NBEA: variants seen among roughly 807,000 people sequenced by gnomAD.
NBEA encodes the protein neurobeachin, also known as lysosomal-trafficking regulator 2.
Under a neutral mutation model 343.4 loss-of-function variants are expected in NBEA, and 44 were observed. The ratio of observed to expected loss-of-function variants is 0.13; its 90% confidence interval spans 0.10 to 0.16. The LOEUF (loss-of-function observed/expected upper bound fraction) is 0.16, where lower values mean the gene tolerates loss of function less well. NBEA is among the 10% of genes least tolerant of loss of function. NBEA has a pLI of 1.00. For missense variants in NBEA, 2,555 were observed against 3,631.3 expected, an observed-to-expected ratio of 0.70 and a Z score of 7.62; for synonymous variants, 1,175 against 1,238.7, an observed-to-expected ratio of 0.95 and a Z score of 1.08.
intron 35 of NBEA, among the ~76,000 whole-genome samples, chr13:35,293,841 A>G (rs531481817): frequency 6.6e-6 from 1 of 152,164 alleles, no homozygotes; most frequent in Admixed American, 6.6e-5. Context: ...AAGTTTTTAT[A>G]AGTAAAGCTT....
intron 33 of NBEA, among the ~76,000 whole-genome samples, chr13:35,213,615 AT>A (rs910498557): frequency 1.3e-4 from 18 of 143,020 alleles, no homozygotes; most frequent in African/African-American, 4.0e-4. Flanking sequence ...AGGTGTTCTT[AT>A]TTTTTTTAGT....
intron 38 of NBEA, among the ~76,000 whole-genome samples, chr13:35,357,451 C>T (rs1006791502): frequency 1.3e-5 from 2 of 151,942 alleles, no homozygotes; most frequent in Non-Finnish European, 2.9e-5. Flanking sequence ...CCTCCTCCTA[C>T]CCTCCACCCT....
At chr13:35,416,829 T>C (rs543719743) in intron 38 of NBEA, among the ~76,000 whole-genome samples, 1 of 152,312 alleles carries the variant, frequency 6.6e-6, no homozygotes, top group Non-Finnish European at 1.5e-5. Flanking sequence ...CTCCTCTTTG[T>C]ACCTCTAGTA....
chr13:35,135,548 AAC>A (rs1489153614), intron 17 of NBEA, among the ~76,000 whole-genome samples: 1 of 151,656 alleles, frequency 6.6e-6, no homozygotes, highest in African/African-American at 2.4e-5. Context: ...TCAATTTGTA[AAC>A]ATGTCATTCT....
intron 1 of NBEA, among the ~76,000 whole-genome samples, chr13:35,018,722 C>T (rs2061735599): frequency 6.6e-6 from 1 of 151,942 alleles, no homozygotes; most frequent in Admixed American, 6.6e-5. Context: ...ATCTTTATGC[C>T]TTTAATTTAT....
intron 38 of NBEA, among the ~76,000 whole-genome samples, chr13:35,390,639 G>T (rs1255927218): frequency 6.6e-6 from 1 of 152,012 alleles, no homozygotes; most frequent in African/African-American, 2.4e-5. Context: ...CTAAAATAAG[G>T]CTATTTTAGA....
intron 1 of NBEA, among the ~76,000 whole-genome samples, chr13:35,037,993 G>A (rs1362000066): frequency 1.3e-5 from 2 of 152,178 alleles, no homozygotes; most frequent in Non-Finnish European, 2.9e-5. Context: ...TGGGACTAGA[G>A]TCTTAGAAAT....
intron 10 of NBEA, among the ~76,000 whole-genome samples, chr13:35,071,633 T>C (rs2063876001): frequency 1.3e-5 from 2 of 151,966 alleles, no homozygotes; most frequent in African/African-American, 2.4e-5. Context: ...AAAAGTAACA[T>C]AGTAGTGCTT....
chr13:34,984,566 T>C lies in NBEA; in HGVS notation c.294+41452T>C, dbSNP rs946221931. ...GCATATGAACTTTAAAGTAGTTTTT[T>C]CCAATTCTGTGAAGAAAGTCACTGA... On this transcript the variant is annotated intron_variant, in intron 1 of 58. Transcript: ENST00000379939. 3.6e-5 allele frequency among the ~76,000 whole-genome samples: 5 copies of C among 140,390 alleles called. No homozygotes were observed. In the East Asian group the frequency reaches 9.6e-4, roughly 27 times the overall value. The allele number at this position is 140,390 out of a possible 152,430, so 92.1% of individuals were successfully genotyped here. A position where few individuals can be genotyped will look rare whatever the true frequency, so the allele number is the denominator to read the frequency against.
At chr13:35,059,706 C>T (rs1209408834) in intron 8 of NBEA, among the ~76,000 whole-genome samples, 1 of 149,662 alleles carries the variant, frequency 6.7e-6, no homozygotes. Flanking sequence ...CCCTCTTTGG[C>T]CTTTGTATTT....
At chr13:35,263,612 AAAACAGGAGG>A (rs1450122139) in intron 34 of NBEA, among the ~76,000 whole-genome samples, 2 of 152,166 alleles carry the variant, frequency 1.3e-5, no homozygotes, top group African/African-American at 2.4e-5. Flanking sequence ...GTAGAAATTG[AAAACAGGAGG>A]AACAACTTCA....
chr13:35,576,033 A>C (rs537578086), intron 45 of NBEA, among the ~76,000 whole-genome samples: 51 of 151,798 alleles, frequency 3.4e-4, no homozygotes, highest in Non-Finnish European at 6.6e-4. Context: ...TTGTCATTTA[A>C]CTCGCTGTAA....
intron 41 of NBEA, among the ~76,000 whole-genome samples, chr13:35,490,622 G>T (rs2076468632): frequency 6.6e-6 from 1 of 151,904 alleles, no homozygotes; most frequent in Admixed American, 6.6e-5. Flanking sequence ...AAAGTTGCAG[G>T]TCATTTTTTT....
At chr13:35,183,224 C>T (rs1049820429) in intron 29 of NBEA, among the ~76,000 whole-genome samples, 1 of 151,924 alleles carries the variant, frequency 6.6e-6, no homozygotes, top group East Asian at 1.9e-4. Context: ...TATTGGACAC[C>T]TTCTATCATT....
intron 1 of NBEA, among the ~76,000 whole-genome samples, chr13:34,951,385 T>C (rs1031399124): frequency 7.9e-5 from 12 of 152,228 alleles, no homozygotes; most frequent in Admixed American, 5.2e-4. Context: ...GGTTAATATA[T>C]GTAAAGTGCT....
intron 49 of NBEA, among the ~76,000 whole-genome samples, chr13:35,645,509 A>G (rs1312790067): frequency 1.3e-5 from 2 of 152,174 alleles, no homozygotes; most frequent in Non-Finnish European, 2.9e-5. Context: ...AATTATTTCT[A>G]TTCCTTGGAG....
At chr13:35,308,949 T>C (rs2037175898) in intron 35 of NBEA, among the ~76,000 whole-genome samples, 1 of 151,556 alleles carries the variant, frequency 6.6e-6, no homozygotes, top group South Asian at 2.1e-4. Context: ...CTATTACATA[T>C]TTAGCCATAG....
intron 39 of NBEA, among the ~76,000 whole-genome samples, chr13:35,445,758 G>T (rs2152940370): frequency 7.5e-6 from 1 of 133,728 alleles, no homozygotes; most frequent in South Asian, 2.4e-4. Flanking sequence ...AAGATATGAT[G>T]ACTTAATTCT....
chr13:35,665,527 C>T (rs1043932239), intron 56 of NBEA, among the ~76,000 whole-genome samples: 8 of 152,100 alleles, frequency 5.3e-5, no homozygotes, highest in Non-Finnish European at 8.8e-5. Flanking sequence ...TCATCAGACA[C>T]GGCCTAGGAT....
Sources: gnomAD v4.1 joint callset for allele counts (sites outside exome capture counted in the v4.1 genomes callset) on GRCh38, gnomAD v4.1.1 for gene constraint, MANE v1.5 for transcripts, NCBI Gene and HGNC (gene_info 2026-07-23, HGNC 2026-07-21) for gene names.